The following VPS26B variants were observed in gnomAD, a reference collection of about 807,000 sequenced individuals.
VPS26B encodes the protein vacuolar protein sorting-associated protein 26B.
Under a neutral mutation model 33.3 loss-of-function variants are expected in VPS26B, and 10 were observed. The observed-to-expected ratio is 0.30, with a 90% confidence interval of 0.19 to 0.51. VPS26B has a LOEUF of 0.51. VPS26B is among the 20% of genes least tolerant of loss of function. The probability of loss-of-function intolerance (pLI) is 0.98; values close to 1 mark genes in which losing one functional copy is unlikely to be tolerated. For missense variants in VPS26B, 317 were observed against 452.7 expected, an observed-to-expected ratio of 0.70 and a Z score of 2.72; for synonymous variants, 190 against 176.9, an observed-to-expected ratio of 1.07 and a Z score of -0.59.
chr11:134,230,150 C>T (rs185719498), intron 1 of VPS26B, among the ~76,000 whole-genome samples: 6 of 152,272 alleles, frequency 3.9e-5, no homozygotes, highest in African/African-American at 9.6e-5. Flanking sequence ...CTTTTCAAGC[C>T]GGGTATGACA....
At chr11:134,234,651 T>C (rs375650388) in intron 1 of VPS26B, among the ~76,000 whole-genome samples, 2 of 152,192 alleles carry the variant, frequency 1.3e-5, no homozygotes, top group Non-Finnish European at 2.9e-5. Flanking sequence ...CCGAGTGTCT[T>C]GGAGCAGGAT....
Position 134,224,995 on chromosome 11 carries a change from A to C in VPS26B, c.-128A>C. On this transcript the variant is annotated 5_prime_UTR_variant, in exon 1 of 6. Transcript: ENST00000281187. ...GCCCACTGCCCGGCGGCAGCGGCGGAGCCAGGCAGCCCCGCGGCGGCCGAG... is the reference window on the plus strand; with the variant it reads ...GCCCACTGCCCGGCGGCAGCGGCGGCGCCAGGCAGCCCCGCGGCGGCCGAG... The C allele has an allele frequency of 1.3e-6, 1 of 765,298 alleles. No homozygotes were observed. Among genetic ancestry groups the C allele is most frequent in the Non-Finnish European group, 1.8e-6 (1 of 565,544 alleles). The allele number at this position is 765,298 out of a possible 1,614,324, so 47.4% of individuals were successfully genotyped here.
At position 134,245,634 on chromosome 11, in the gene VPS26B, C is replaced by T. The variant is rs751061125; in HGVS notation, c.*44C>T. 3.8e-6 allele frequency: 6 copies of T among 1,564,428 alleles called. No individual in the cohort carries two copies. The East Asian group carries it at 1.2e-4, about 31-fold the overall frequency. ...ATGCTGGGCACCCACCCAGCACCCC[C>T]ATCTACCAACACCAGCGGCTGGGGG... is the stretch of plus-strand genomic sequence containing the variant. On this transcript the variant is annotated 3_prime_UTR_variant, in exon 6 of 6. Transcript: ENST00000281187. The surrounding 1 kb of genome is among the most constrained non-coding windows in gnomAD (Gnocchi z 4.7).
chr11:134,230,694 G>A (rs939462310), intron 1 of VPS26B, among the ~76,000 whole-genome samples: 16 of 152,332 alleles, frequency 1.1e-4, no homozygotes, highest in Admixed American at 3.9e-4. Context: ...GTGTAAGAAC[G>A]TAAGAGTTGT....
chr11:134,238,216 G>C (rs773985661), intron 2 of VPS26B, among the ~76,000 whole-genome samples: 6 of 152,214 alleles, frequency 3.9e-5, no homozygotes, highest in Non-Finnish European at 8.8e-5. Context: ...TCCATATGGA[G>C]AGTTCTTGGG....
At chr11:134,232,998 A>G (rs1938578624) in intron 1 of VPS26B, among the ~76,000 whole-genome samples, 1 of 152,168 alleles carries the variant, frequency 6.6e-6, no homozygotes, top group Non-Finnish European at 1.5e-5. Flanking sequence ...TGGATTGCTC[A>G]CTTTCCACCC....
chr11:134,231,690 G>A (rs1055189931), intron 1 of VPS26B, among the ~76,000 whole-genome samples: 1 of 151,874 alleles, frequency 6.6e-6, no homozygotes, highest in Non-Finnish European at 1.5e-5. Flanking sequence ...TCAGCCTCCC[G>A]AGTAGCTGGG....
chr11:134,230,718 C>G (rs745521679), intron 1 of VPS26B, among the ~76,000 whole-genome samples: 2 of 152,230 alleles, frequency 1.3e-5, no homozygotes, highest in Non-Finnish European at 2.9e-5. Flanking sequence ...ACCTCTGGCC[C>G]GTTTGGTCCT....
At chr11:134,234,644 A>G (rs1938604443) in intron 1 of VPS26B, among the ~76,000 whole-genome samples, 1 of 152,116 alleles carries the variant, frequency 6.6e-6, no homozygotes, top group Non-Finnish European at 1.5e-5. Context: ...ATGGTGTCCG[A>G]GTGTCTTGGA....
At chr11:134,235,484 G>A (rs1254840140) in intron 2 of VPS26B, 1 of 153,222 alleles carries the variant, frequency 6.5e-6, no homozygotes, top group Non-Finnish European at 1.5e-5. Context: ...AATAATTGCT[G>A]TGTTTAACAG....
intron 2 of VPS26B, chr11:134,236,616 C>T (rs1003181375): frequency 6.6e-6 from 1 of 152,226 alleles, no homozygotes; most frequent in Non-Finnish European, 1.5e-5. Context: ...GTACAGTGGA[C>T]TGTTATACAG....
chr11:134,229,141 C>T (rs746636971), intron 1 of VPS26B, among the ~76,000 whole-genome samples: 22 of 152,162 alleles, frequency 1.4e-4, no homozygotes, highest in Non-Finnish European at 2.6e-4. Context: ...GCAATCCTCC[C>T]ATCTCTGCCT....
chr11:134,239,490 G>A (rs1005884878), intron 2 of VPS26B, among the ~76,000 whole-genome samples: 2 of 152,200 alleles, frequency 1.3e-5, no homozygotes, highest in Non-Finnish European at 2.9e-5. Context: ...TTTAACTTAA[G>A]AAAGGTTTAT....
rs1388461639 is a variant in VPS26B, at chr11:134,247,717, A to G, written c.*2127A>G. 1.3e-5 allele frequency: 2 copies of G among 154,278 alleles called. No homozygotes were observed. The highest frequency in any genetic ancestry group is 1.9e-4 in the East Asian group (1 of 5,202). The allele number at this position is 154,278 out of a possible 1,614,324, so 9.6% of individuals were successfully genotyped here. ...TTTTCAATGGCTGTATTAAAAGAAGAACGTTTGTTTTAATGGTCTTTCTGA... is the reference window on the plus strand; with the variant it reads ...TTTTCAATGGCTGTATTAAAAGAAGGACGTTTGTTTTAATGGTCTTTCTGA... On this transcript the variant is annotated 3_prime_UTR_variant, in exon 6 of 6. Coordinates refer to ENST00000281187, the MANE Select transcript of VPS26B (RefSeq NM_052875.5).
At position 134,240,774 on chromosome 11, in the gene VPS26B, CGTGTGTGTGTGTGTGTGTCCGT is replaced by C. The variant is rs1290324260; in HGVS notation, c.545+638_545+659del. Among the ~76,000 whole-genome samples the C allele has an allele frequency of 1.4e-4, 19 of 138,012 alleles. No homozygotes were observed. The highest frequency in any genetic ancestry group is 2.5e-4 in the Non-Finnish European group (16 of 63,514). The allele number at this position is 138,012 out of a possible 152,430, so 90.5% of individuals were successfully genotyped here. Reference sequence around the variant, plus strand: ...CCGCCACACCCAGCTAATTTGTGTCCGTGTGTGTGTGTGTGTGTCCGTGTGTGTGTGTGTGTGTGTGTGTGTG... The same window carrying C: ...CCGCCACACCCAGCTAATTTGTGTCCGTGTGTGTGTGTGTGTGTGTGTGTG... On this transcript the variant is annotated intron_variant, in intron 3 of 5. Coordinates refer to ENST00000281187, the MANE Select transcript of VPS26B (RefSeq NM_052875.5). The surrounding 1 kb of genome is among the most constrained non-coding windows in gnomAD (Gnocchi z 4.4).
At chr11:134,243,444 C>A (rs2136053809) in intron 4 of VPS26B, 150 bp downstream of exon 4, 1 of 969,398 alleles carries the variant, frequency 1.0e-6, no homozygotes, top group East Asian at 2.6e-5. Context: ...CGTGGGTGGC[C>A]ATAAGGAAGA....
chr11:134,240,260 G>A lies in VPS26B; in HGVS notation c.545+105G>A. 7.7e-7 allele frequency: 1 copy of A among 1,295,146 alleles called. No individual in the cohort carries two copies. Among genetic ancestry groups the A allele is most frequent in the South Asian group, 1.3e-5 (1 of 76,256 alleles). 80.2% of individuals were successfully genotyped at this position (1,295,146 alleles called of 1,614,324 possible). On this transcript the variant is annotated intron_variant, in intron 3 of 5. Transcript: ENST00000281187. This position sits in a 1 kb window ranked among gnomAD's most constrained non-coding sequence, Gnocchi z 4.4. ...ACCCTCTGTGACTCGACTGCTTTGT[G>A]GTGGCATGCGGTGGGGGAAGACCGT...
At chr11:134,242,130 G>A (rs373736496) in intron 3 of VPS26B, among the ~76,000 whole-genome samples, 4 of 152,150 alleles carry the variant, frequency 2.6e-5, no homozygotes, top group South Asian at 4.1e-4. Context: ...AAAACATCTC[G>A]AATCCATGGT....
In VPS26B at chr11:134,246,145, C is replaced by T. The variant is rs1011106172; in HGVS notation, c.*555C>T. 3 of 154,080 alleles carry T rather than the reference C, an allele frequency of 1.9e-5. No individual in the cohort carries two copies. Among genetic ancestry groups the T allele is most frequent in the African/African-American group, 7.2e-5 (3 of 41,458 alleles). 9.5% of individuals were successfully genotyped at this position (154,080 alleles called of 1,614,324 possible). A position where few individuals can be genotyped will look rare whatever the true frequency, so the allele number is the denominator to read the frequency against. On this transcript the variant is annotated 3_prime_UTR_variant, in exon 6 of 6. Coordinates refer to ENST00000281187, the MANE Select transcript of VPS26B (RefSeq NM_052875.5). ...ATCTCAAGTTCCCACAGGCCACCTC[C>T]TTCTGGCCACTCACTGCTGGGACCC...
Sources: allele counts gnomAD v4.1 joint callset (sites outside exome capture counted in the v4.1 genomes callset), GRCh38; gene constraint gnomAD v4.1.1; non-coding constraint Gnocchi (gnomAD v3.1); transcripts MANE v1.5; gene names NCBI Gene and HGNC (gene_info 2026-07-23, HGNC 2026-07-21).